Variants in GABRG3 observed in about 807,000 individuals in gnomAD.
The protein encoded by GABRG3 is gamma-aminobutyric acid type A receptor subunit gamma3.
In GABRG3, 25 loss-of-function variants were observed where a neutral mutation model predicts 48.8. That is an observed-to-expected ratio of 0.51 (90% CI 0.37 to 0.72). The LOEUF (loss-of-function observed/expected upper bound fraction) is 0.72, where lower values mean the gene tolerates loss of function less well. Ranked by LOEUF, GABRG3 falls within the 30% of genes least tolerant of loss-of-function variation. GABRG3 has a pLI of 0.00. For synonymous variants in GABRG3, 227 were observed against 217.6 expected, an observed-to-expected ratio of 1.04 and a Z score of -0.38; for missense variants, 394 against 577.9, an observed-to-expected ratio of 0.68 and a Z score of 3.26.
At chr15:27,224,528 A>G (rs1382372129) in intron 3 of GABRG3, among the ~76,000 whole-genome samples, 1 of 152,160 alleles carries the variant, frequency 6.6e-6, no homozygotes. Flanking sequence ...TCTGTGTTAA[A>G]GCCCAGGGTG....
chr15:27,390,383 T>C (rs1896183355), intron 5 of GABRG3, among the ~76,000 whole-genome samples: 1 of 152,248 alleles, frequency 6.6e-6, no homozygotes, highest in Admixed American at 6.5e-5. Flanking sequence ...TAATATTTTT[T>C]TTCTTCTGAA....
At chr15:27,010,770 C>T (rs899641638) in intron 2 of GABRG3, among the ~76,000 whole-genome samples, 3 of 152,168 alleles carry the variant, frequency 2.0e-5, no homozygotes, top group South Asian at 2.1e-4. Context: ...TTGCCTTTGC[C>T]GTTCCACTAT....
At chr15:27,225,715 C>T (rs1343902935) in intron 3 of GABRG3, among the ~76,000 whole-genome samples, 1 of 152,100 alleles carries the variant, frequency 6.6e-6, no homozygotes, top group African/African-American at 2.4e-5. Context: ...TAGTAAAATG[C>T]ATCTAAAGTT....
intron 3 of GABRG3, among the ~76,000 whole-genome samples, chr15:27,259,216 G>A (rs1358935852): frequency 1.3e-5 from 2 of 152,122 alleles, no homozygotes; most frequent in Admixed American, 1.3e-4. Flanking sequence ...TCTCTTTGAT[G>A]TACTGATTTC....
rs1357649354 is a variant in GABRG3 at position 27,527,598 on chromosome 15, G to A, written c.1031G>A (p.Arg344Lys). 6.2e-7 allele frequency: 1 copy of A among 1,612,588 alleles called. No individual in the cohort carries two copies. The highest frequency in any genetic ancestry group is 8.5e-7 in the Non-Finnish European group (1 of 1,179,270). ...ACCCTCAACTACTATTCCAGCTGTAGAAAACCAACCACCACGAAGAAGACA... is the reference window on the plus strand; with the variant it reads ...ACCCTCAACTACTATTCCAGCTGTAAAAAACCAACCACCACGAAGAAGACA... Reference protein sequence around the residue: ...YATLNYYSSCRKPTTTKKTTS... With the variant: ...YATLNYYSSCKKPTTTKKTTS... Residue 344 changes from arginine (R) to lysine (K), a missense_variant, in exon 8 of 10, where the codon AGA becomes AAA. Physicochemically the swap from Arg to Lys is conservative, Grantham distance 26. Around this residue, in one of 3 missense-constraint regions of GABRG3, gnomAD observed 126 missense variants for 155.5 expected, o/e 0.81. Transcript: ENST00000615808.
intron 3 of GABRG3, among the ~76,000 whole-genome samples, chr15:27,308,043 G>A (rs1447206588): frequency 7.6e-6 from 1 of 131,428 alleles, no homozygotes; most frequent in Non-Finnish European, 1.6e-5. Context: ...ATATGTAAAT[G>A]TATATAATAT....
intron 3 of GABRG3, among the ~76,000 whole-genome samples, chr15:27,202,910 C>G (rs1000942972): frequency 6.6e-6 from 1 of 152,078 alleles, no homozygotes; most frequent in African/African-American, 2.4e-5. Flanking sequence ...TTCATTTCCC[C>G]TCATATATCC....
At chr15:27,464,671 G>A (rs574804121) in intron 5 of GABRG3, among the ~76,000 whole-genome samples, 3 of 152,118 alleles carry the variant, frequency 2.0e-5, no homozygotes, top group Non-Finnish European at 4.4e-5. Flanking sequence ...GGTATGAAGT[G>A]ATATCTTGTA....
chr15:27,067,777 A>T (rs1896762113), intron 3 of GABRG3, among the ~76,000 whole-genome samples: 1 of 152,106 alleles, frequency 6.6e-6, no homozygotes, highest in Non-Finnish European at 1.5e-5. Flanking sequence ...TTATTTTGTG[A>T]ACACCCAGCT....
chr15:27,405,817 G>A lies in GABRG3; in HGVS notation c.575-74833G>A, dbSNP rs528782936. Reference sequence around the variant, plus strand: ...ATATGATTTTCTAATAAAATAAACTGGGACTCCTTTAAGAAATGGCTGATT... The same window carrying A: ...ATATGATTTTCTAATAAAATAAACTAGGACTCCTTTAAGAAATGGCTGATT... On this transcript the variant is annotated intron_variant, in intron 5 of 9. Transcript: ENST00000615808. 7.7e-4 allele frequency among the ~76,000 whole-genome samples: 117 copies of A among 151,690 alleles called. 2 individuals carry two copies. The highest frequency in any genetic ancestry group is 3.4e-3 in the South Asian group (16 of 4,774).
At chr15:27,403,266 C>A (rs1285147447) in intron 5 of GABRG3, among the ~76,000 whole-genome samples, 2 of 151,898 alleles carry the variant, frequency 1.3e-5, no homozygotes, top group Admixed American at 6.6e-5. Flanking sequence ...AAGTACCTAC[C>A]AATCAGGCAA....
At chr15:27,132,326 G>A (rs1269805283) in intron 3 of GABRG3, among the ~76,000 whole-genome samples, 1 of 151,812 alleles carries the variant, frequency 6.6e-6, no homozygotes, top group Non-Finnish European at 1.5e-5. Context: ...GAAAGATAGG[G>A]GTCTAGTTTT....
intron 6 of GABRG3, among the ~76,000 whole-genome samples, chr15:27,485,622 A>G (rs1890202569): frequency 6.6e-6 from 1 of 152,174 alleles, no homozygotes; most frequent in Non-Finnish European, 1.5e-5. Flanking sequence ...TTGGCCTGGA[A>G]AAGAGAATGA....
rs569777634 is a variant in GABRG3, at chr15:27,527,997, G to A, written c.1122+5G>A. 8 of 1,588,440 alleles carry A rather than the reference G, an allele frequency of 5.0e-6. No homozygotes were observed. The highest frequency in any genetic ancestry group is 2.3e-5 in the South Asian group (2 of 87,402). ...ATAAGCCTACAAGCCCCTTCCGTAC[G>A]TATAGCATTGCAGGTGCCAATATTT... On this transcript the variant is annotated splice_donor_5th_base_variant and intron_variant, in intron 9 of 9. Transcript: ENST00000615808.
chr15:27,025,475 A>G (rs968223757), intron 2 of GABRG3, among the ~76,000 whole-genome samples: 1 of 152,220 alleles, frequency 6.6e-6, no homozygotes, highest in Admixed American at 6.5e-5. Flanking sequence ...CTTAAGCACC[A>G]TATACATAGT....
At chr15:27,005,924 A>T (rs1895575227) in intron 2 of GABRG3, among the ~76,000 whole-genome samples, 1 of 152,200 alleles carries the variant, frequency 6.6e-6, no homozygotes, top group Non-Finnish European at 1.5e-5. Context: ...CATAAAAATT[A>T]ACTTGATATA....
chr15:27,029,017 C>G (rs778631945), intron 3 of GABRG3, among the ~76,000 whole-genome samples: 38 of 152,160 alleles, frequency 2.5e-4, no homozygotes, highest in Admixed American at 8.5e-4. Context: ...GCACCAGCAT[C>G]CTGCTCATCT....
intron 3 of GABRG3, among the ~76,000 whole-genome samples, chr15:27,037,767 T>C (rs896383575): frequency 1.3e-5 from 2 of 152,188 alleles, no homozygotes; most frequent in Non-Finnish European, 2.9e-5. Flanking sequence ...TACTGTCTGC[T>C]CTTTCTGGCT....
At chr15:27,517,077 G>A (rs943474274) in intron 6 of GABRG3, among the ~76,000 whole-genome samples, 37 of 151,418 alleles carry the variant, frequency 2.4e-4, no homozygotes, top group Non-Finnish European at 8.8e-5. Flanking sequence ...TGACAACATC[G>A]TGCCCACCTC....
Sources: gnomAD v4.1 joint callset for allele counts (sites outside exome capture counted in the v4.1 genomes callset) on GRCh38, gnomAD v4.1.1 for gene constraint, gnomAD v4.1.1 regional missense constraint, MANE v1.5 for transcripts, NCBI Gene and HGNC (gene_info 2026-07-23, HGNC 2026-07-21) for gene names.